SYNDIG1: variants seen among roughly 807,000 people sequenced by gnomAD.
SYNDIG1 encodes the protein synapse differentiation-inducing gene protein 1.
In SYNDIG1, 9 loss-of-function variants were observed where a neutral mutation model predicts 19.4. That is an observed-to-expected ratio of 0.46 (90% confidence interval 0.28 to 0.81). The LOEUF (loss-of-function observed/expected upper bound fraction) is 0.81, where lower values mean the gene tolerates loss of function less well. Among genes scored for constraint, SYNDIG1 ranks in the 30% least tolerant of loss-of-function variants. The pLI is 0.12. For missense variants in SYNDIG1, 311 were observed against 343.3 expected (o/e 0.91, Z 0.74); for synonymous variants, 141 against 145.9 (o/e 0.97, Z 0.24).
At chr20:24,496,608 T>C (rs1265243930) in intron 1 of SYNDIG1, among the ~76,000 whole-genome samples, 2 of 152,206 alleles carry the variant, frequency 1.3e-5, no homozygotes, top group Admixed American at 1.3e-4. Flanking sequence ...TGAACATCTG[T>C]TTTCTCATCT....
chr20:24,622,021 T>C (rs932738916), intron 3 of SYNDIG1, among the ~76,000 whole-genome samples: 3 of 152,100 alleles, frequency 2.0e-5, no homozygotes, highest in Admixed American at 6.5e-5. Context: ...AGGCCAAAAG[T>C]CAAGAGAACA....
chr20:24,614,921 C>G (rs1170639416), intron 3 of SYNDIG1, among the ~76,000 whole-genome samples: 2 of 152,206 alleles, frequency 1.3e-5, no homozygotes, highest in Non-Finnish European at 2.9e-5. Context: ...GAAACATTCT[C>G]AAACATCTGA....
In SYNDIG1 at chr20:24,495,992, C is replaced by T. The variant is rs1030457005; in HGVS notation, c.-79+26239C>T. Among the ~76,000 whole-genome samples, 3 of 152,182 alleles carry T rather than the reference C, an allele frequency of 2.0e-5. No individual in the cohort carries two copies. In the South Asian group the frequency reaches 6.2e-4, roughly 32 times the overall value. The stretch of plus-strand genomic sequence containing the variant: ...CCCGAGTAGCTGGGACTACAGGTGC[C>T]TGCCACCACGCCTGGCTAATTTTTT... On this transcript the variant is annotated intron_variant, in intron 1 of 3. Transcript: ENST00000376862.
intron 1 of SYNDIG1, among the ~76,000 whole-genome samples, chr20:24,513,155 A>G (rs979343944): frequency 6.6e-6 from 1 of 152,236 alleles, no homozygotes; most frequent in African/African-American, 2.4e-5. Flanking sequence ...ACAAAGGTAG[A>G]TAAAACCACA....
chr20:24,545,491 C>T (rs138191060), intron 2 of SYNDIG1, among the ~76,000 whole-genome samples: 2 of 152,136 alleles, frequency 1.3e-5, no homozygotes, highest in Non-Finnish European at 2.9e-5. Flanking sequence ...AAAATGCAGC[C>T]CCAGGAGTTA....
At chr20:24,549,132 T>G (rs2057651482) in intron 2 of SYNDIG1, among the ~76,000 whole-genome samples, 1 of 152,182 alleles carries the variant, frequency 6.6e-6, no homozygotes, top group South Asian at 2.1e-4. Context: ...TCAACTGTTT[T>G]CATGCTACAG....
intron 2 of SYNDIG1, among the ~76,000 whole-genome samples, chr20:24,553,891 A>T (rs559873996): frequency 1.3e-5 from 2 of 152,272 alleles, no homozygotes; most frequent in East Asian, 3.9e-4. Context: ...TCTATAAATT[A>T]CCTTGGGCAG....
chr20:24,618,942 A>AAT, intron 3 of SYNDIG1, among the ~76,000 whole-genome samples: 1 of 152,306 alleles, frequency 6.6e-6, no homozygotes, highest in East Asian at 1.9e-4. Context: ...AACAGCAAAA[A>AAT]ATATCATCAA....
rs1411187547 is a variant in SYNDIG1, at chr20:24,665,965, G to C, written c.*461G>C. The C allele has an allele frequency of 1.8e-5, 3 of 164,124 alleles. No individual in the cohort carries two copies. The highest frequency in any genetic ancestry group is 2.6e-5 in the Non-Finnish European group (2 of 76,862). The allele number at this position is 164,124 out of a possible 1,614,324, so 10.2% of individuals were successfully genotyped here. On this transcript the variant is annotated 3_prime_UTR_variant, in exon 4 of 4. Coordinates refer to ENST00000376862, the MANE Select transcript of SYNDIG1 (RefSeq NM_024893.3). ...CCTTTGTGCCCCCCGGAGTCCACAC[G>C]CCTTCCCTGCAAGACGAGAATGGGG... is the stretch of plus-strand genomic sequence containing the variant.
chr20:24,482,198 T>TTTG (rs926697238), intron 1 of SYNDIG1, among the ~76,000 whole-genome samples: 5 of 152,204 alleles, frequency 3.3e-5, no homozygotes, highest in South Asian at 2.1e-4. Flanking sequence ...TTTTTTGGTT[T>TTTG]TTGTTGTTGT....
At chr20:24,471,983 G>A (rs6049713) in intron 1 of SYNDIG1, among the ~76,000 whole-genome samples, 88,788 of 152,064 alleles carry the variant, frequency 0.58, 27,118 homozygotes, top group East Asian at 0.83. Context: ...TCACTTTGAT[G>A]TAAACTTCAA....
At chr20:24,471,154 C>T (rs761142277) in intron 1 of SYNDIG1, among the ~76,000 whole-genome samples, 23 of 152,064 alleles carry the variant, frequency 1.5e-4, no homozygotes, top group Non-Finnish European at 3.1e-4. Flanking sequence ...TGAGCAGCCT[C>T]ATAGCCCCCA....
Position 24,524,085 on chromosome 20 carries a change from T to C in SYNDIG1, c.-78-18935T>C, listed in dbSNP as rs116833341. ...TTGAAAATATTTATTGTCATCCTTG[T>C]TTTGTTTCCTTTTTTGTTTTTACTC... On this transcript the variant is annotated intron_variant, in intron 1 of 3. Coordinates refer to ENST00000376862, the MANE Select transcript of SYNDIG1 (RefSeq NM_024893.3). Among the ~76,000 whole-genome samples the C allele has an allele frequency of 6.8e-3, 1,038 of 152,320 alleles. 14 individuals carry two copies. The highest frequency in any genetic ancestry group is 0.022 in the African/African-American group (897 of 41,562).
chr20:24,475,588 G>A (rs908204256), intron 1 of SYNDIG1, among the ~76,000 whole-genome samples: 2 of 152,218 alleles, frequency 1.3e-5, no homozygotes, highest in African/African-American at 4.8e-5. Flanking sequence ...TGGGCTTGTA[G>A]TCATAGATGA....
chr20:24,550,711 T>C (rs11905301), intron 2 of SYNDIG1, among the ~76,000 whole-genome samples: 88,146 of 151,024 alleles, frequency 0.58, 25,813 homozygotes, highest in Admixed American at 0.64. Flanking sequence ...GGGGTTTCAC[T>C]GTGTTAGCCA....
chr20:24,570,843 A>G (rs1476093976), intron 2 of SYNDIG1, among the ~76,000 whole-genome samples: 2 of 152,218 alleles, frequency 1.3e-5, no homozygotes, highest in Non-Finnish European at 2.9e-5. Flanking sequence ...TATGTCTATA[A>G]CATGTATTTC....
intron 2 of SYNDIG1, among the ~76,000 whole-genome samples, chr20:24,552,991 T>C (rs975554665): frequency 3.3e-5 from 5 of 152,082 alleles, no homozygotes; most frequent in Non-Finnish European, 5.9e-5. Context: ...GACTTTTTAA[T>C]GATTGCCATT....
intron 3 of SYNDIG1, among the ~76,000 whole-genome samples, chr20:24,606,637 T>G (rs2058761040): frequency 6.6e-6 from 1 of 152,244 alleles, no homozygotes; most frequent in African/African-American, 2.4e-5. Context: ...GTAGCCCAGT[T>G]AATCCTTACG....
intron 2 of SYNDIG1, among the ~76,000 whole-genome samples, chr20:24,543,819 C>A (rs916917035): frequency 6.6e-6 from 1 of 152,172 alleles, no homozygotes; most frequent in Non-Finnish European, 1.5e-5. Context: ...GAGATGACCC[C>A]AGGTAATGGC....
Sources: allele counts gnomAD v4.1 joint callset (sites outside exome capture counted in the v4.1 genomes callset), GRCh38; gene constraint gnomAD v4.1.1; transcripts MANE v1.5; gene names NCBI Gene and HGNC (gene_info 2026-07-23, HGNC 2026-07-21).